The following L3MBTL4 variants were observed in gnomAD, a reference collection of about 807,000 sequenced individuals.
L3MBTL4 encodes lethal(3)malignant brain tumor-like protein 4.
Under a neutral mutation model 84.5 loss-of-function variants are expected in L3MBTL4, and 70 were observed. The observed-to-expected ratio is 0.83, with a 90% CI of 0.68 to 1.01. The LOEUF (loss-of-function observed/expected upper bound fraction) is 1.01. Ranked by LOEUF, L3MBTL4 falls within the 50% of genes least tolerant of loss-of-function variation. The pLI is 0.00. For missense variants in L3MBTL4, 715 were observed against 754.8 expected, an observed-to-expected ratio of 0.95 and a Z score of 0.62; for synonymous variants, 274 against 259.8, an observed-to-expected ratio of 1.05 and a Z score of -0.52.
At chr18:5,968,197 A>G (rs1488578990) in intron 17 of L3MBTL4, among the ~76,000 whole-genome samples, 1 of 152,376 alleles carries the variant, frequency 6.6e-6, no homozygotes, top group East Asian at 1.9e-4. Flanking sequence ...ATTTAACTGC[A>G]GCTGTAGCTC....
At chr18:6,295,256 G>C (rs2050039838) in intron 4 of L3MBTL4, among the ~76,000 whole-genome samples, 1 of 150,538 alleles carries the variant, frequency 6.6e-6, no homozygotes, top group Admixed American at 6.6e-5. Flanking sequence ...TGGGCAACAA[G>C]AGTGAAACTC....
intron 14 of L3MBTL4, among the ~76,000 whole-genome samples, chr18:6,097,817 AC>A (rs914422541): frequency 7.2e-5 from 11 of 152,056 alleles, no homozygotes; most frequent in African/African-American, 2.7e-4. Context: ...TGGTATGGAC[AC>A]CCTAAGTTCC....
chr18:6,053,231 G>C (rs2056897195), intron 16 of L3MBTL4, among the ~76,000 whole-genome samples: 1 of 152,166 alleles, frequency 6.6e-6, no homozygotes, highest in Admixed American at 6.5e-5. Context: ...AATAAACATA[G>C]AGAAAGAGGC....
At chr18:6,243,141 C>G (rs2047520240) in intron 7 of L3MBTL4, among the ~76,000 whole-genome samples, 153 bp downstream of exon 7, 1 of 152,076 alleles carries the variant, frequency 6.6e-6, no homozygotes. Context: ...AAAATGGTAC[C>G]ATTATAGTCT....
At chr18:6,340,170 G>A (rs1171505982) in intron 1 of L3MBTL4, among the ~76,000 whole-genome samples, 3 of 152,084 alleles carry the variant, frequency 2.0e-5, no homozygotes, top group Non-Finnish European at 2.9e-5. Context: ...AAAAGAGGGA[G>A]GGATGTAAGC....
intron 13 of L3MBTL4, among the ~76,000 whole-genome samples, chr18:6,170,289 C>T (rs2043903559): frequency 6.6e-6 from 1 of 152,132 alleles, no homozygotes; most frequent in South Asian, 2.1e-4. Flanking sequence ...AGGCCACATT[C>T]TGAGAAGCAT....
At chr18:6,056,111 A>T (rs2057014203) in intron 16 of L3MBTL4, among the ~76,000 whole-genome samples, 1 of 152,034 alleles carries the variant, frequency 6.6e-6, no homozygotes, top group Non-Finnish European at 1.5e-5. Flanking sequence ...AACTAAAAGG[A>T]ATCTGGGCTG....
chr18:6,268,332 G>A (rs1254702866), intron 4 of L3MBTL4, among the ~76,000 whole-genome samples: 4 of 152,134 alleles, frequency 2.6e-5, no homozygotes, highest in African/African-American at 4.8e-5. Context: ...GCTTGAACCC[G>A]GGAGGCAGAG....
At position 6,162,672 on chromosome 18, in the gene L3MBTL4, T is replaced by C. The variant is rs569611099; in HGVS notation, c.1096+9156A>G. 3.3e-4 allele frequency among the ~76,000 whole-genome samples: 51 copies of C among 152,326 alleles called. 1 individual carries two copies. The highest frequency in any genetic ancestry group is 7.3e-5 in the Non-Finnish European group (5 of 68,028). On this transcript the variant is annotated intron_variant, in intron 13 of 18. Transcript: ENST00000317931. Reference sequence around the variant, plus strand: ...GATGTGATTGTTTGTACACATATCATAGATAAAAGACACAGTAAAAGGGTG... The same window carrying C: ...GATGTGATTGTTTGTACACATATCACAGATAAAAGACACAGTAAAAGGGTG...
chr18:6,365,227 A>G (rs911926392), intron 1 of L3MBTL4, among the ~76,000 whole-genome samples: 2 of 152,200 alleles, frequency 1.3e-5, no homozygotes, highest in African/African-American at 4.8e-5. Context: ...AGCTTTAGAA[A>G]GGTTACAAAA....
chr18:6,287,201 T>A (rs2049633157), intron 4 of L3MBTL4, among the ~76,000 whole-genome samples: 1 of 152,220 alleles, frequency 6.6e-6, no homozygotes, highest in Admixed American at 6.5e-5. Flanking sequence ...TTTCTAGGAC[T>A]CCAGCTGATA....
intron 14 of L3MBTL4, among the ~76,000 whole-genome samples, chr18:6,123,655 C>G (rs566549546): frequency 6.6e-6 from 1 of 152,082 alleles, no homozygotes; most frequent in East Asian, 1.9e-4. Context: ...TTATTAGCAG[C>G]GTGAGAACAG....
chr18:6,025,572 T>C (rs1567998087), intron 16 of L3MBTL4, among the ~76,000 whole-genome samples: 1 of 152,222 alleles, frequency 6.6e-6, no homozygotes, highest in Non-Finnish European at 1.5e-5. Flanking sequence ...TATTGCTGAT[T>C]AGTTTCAGGA....
intron 10 of L3MBTL4, among the ~76,000 whole-genome samples, chr18:6,225,156 G>T (rs917978734): frequency 3.3e-5 from 5 of 152,162 alleles, no homozygotes; most frequent in Admixed American, 6.6e-5. Context: ...GCCCACAGGA[G>T]ATCTAAAGTT....
chr18:5,966,491 T>C (rs1476002929), intron 17 of L3MBTL4, among the ~76,000 whole-genome samples: 1 of 152,122 alleles, frequency 6.6e-6, no homozygotes, highest in Non-Finnish European at 1.5e-5. Flanking sequence ...TTTGCGGCTC[T>C]TCTTTCCTCT....
At chr18:6,329,422 G>A (rs904931656) in intron 1 of L3MBTL4, among the ~76,000 whole-genome samples, 9 of 151,880 alleles carry the variant, frequency 5.9e-5, no homozygotes, top group South Asian at 2.1e-4. Flanking sequence ...CAAAGTGCTC[G>A]GATTACAGGC....
chr18:6,046,586 A>G (rs1212403152), intron 16 of L3MBTL4: 1 of 552,444 alleles, frequency 1.8e-6, no homozygotes, highest in Non-Finnish European at 3.3e-6. Context: ...TTAAAATAGA[A>G]ATCAATACCA....
At chr18:5,994,062 C>CT (rs1567960439) in intron 16 of L3MBTL4, among the ~76,000 whole-genome samples, 1 of 152,206 alleles carries the variant, frequency 6.6e-6, no homozygotes, top group East Asian at 1.9e-4. Flanking sequence ...GTTCATGCCC[C>CT]TTTCTCTTCC....
At chr18:6,276,125 TA>T (rs1349753535) in intron 4 of L3MBTL4, among the ~76,000 whole-genome samples, 2 of 152,224 alleles carry the variant, frequency 1.3e-5, no homozygotes, top group Non-Finnish European at 2.9e-5. Context: ...ATTTGTCTCT[TA>T]CCTACCTATG....
Sources: gnomAD v4.1 joint callset for allele counts (sites outside exome capture counted in the v4.1 genomes callset) on GRCh38, gnomAD v4.1.1 for gene constraint, MANE v1.5 for transcripts, NCBI Gene and HGNC (gene_info 2026-07-23, HGNC 2026-07-21) for gene names.